Variants in CADM2 observed in about 807,000 individuals in gnomAD.
The protein encoded by CADM2 is cell adhesion molecule 2, also known as immunoglobulin superfamily member 4D.
CADM2 carries 12 observed loss-of-function variants against 49.8 expected under a neutral mutation model. That is an observed-to-expected ratio of 0.24 (90% CI 0.15 to 0.39). The LOEUF (loss-of-function observed/expected upper bound fraction) is 0.39, where lower values mean the gene tolerates loss of function less well. Ranked by LOEUF, CADM2 falls within the 10% of genes least tolerant of loss-of-function variation. The pLI, the probability that CADM2 is intolerant of heterozygous loss-of-function variation, is 1.00. For synonymous variants in CADM2, 214 were observed against 175.4 expected, an observed-to-expected ratio of 1.22 and a Z score of -1.74; for missense variants, 378 against 492.3, an observed-to-expected ratio of 0.77 and a Z score of 2.20.
intron 8 of CADM2, among the ~76,000 whole-genome samples, chr3:85,974,176 T>C (rs574323480): frequency 4.0e-5 from 6 of 151,614 alleles, no homozygotes; most frequent in African/African-American, 1.5e-4. Context: ...AAGGAAGATA[T>C]TAACTCTTTG....
chr3:85,818,857 T>C (rs1384444159), intron 3 of CADM2, among the ~76,000 whole-genome samples: 2 of 144,722 alleles, frequency 1.4e-5, no homozygotes, highest in South Asian at 4.2e-4. Context: ...AAAGAATGTA[T>C]ATTAATCAAG....
intron 2 of CADM2, among the ~76,000 whole-genome samples, chr3:85,750,689 A>G (rs1332235682): frequency 3.3e-5 from 5 of 152,094 alleles, no homozygotes; most frequent in African/African-American, 7.2e-5. Flanking sequence ...ATCAAGTGCC[A>G]TGGTACAGAA....
chr3:85,878,772 G>A (rs1277875795), intron 3 of CADM2, among the ~76,000 whole-genome samples: 2 of 152,040 alleles, frequency 1.3e-5, no homozygotes, highest in Non-Finnish European at 2.9e-5. Context: ...TTTAACTTTG[G>A]TGATGTTATA....
chr3:84,961,637 TGCGC>T (rs911149843), intron 1 of CADM2, among the ~76,000 whole-genome samples: 3 of 151,636 alleles, frequency 2.0e-5, no homozygotes, highest in Non-Finnish European at 2.9e-5. Context: ...TGTGTGTGTG[TGCGC>T]GCGCGCGCGC....
chr3:85,961,548 A>T lies in CADM2; in HGVS notation c.871A>T (p.Asn291Tyr), dbSNP rs766912522. Residue 291 changes from asparagine (N) to tyrosine (Y), a missense_variant, in exon 8 of 10, where the codon AAC becomes TAC. Physicochemically the swap from Asn to Tyr is moderately radical, Grantham distance 143. Coordinates refer to ENST00000383699, the MANE Select transcript of CADM2 (RefSeq NM_001167675.2). ...AATGGTTGTGAGTGGTAGGGAGCTA[A>T]ACATTCTTTTCCTGAACAAAACGGA... is the stretch of plus-strand genomic sequence containing the variant. ...DRMVVSGRELNILFLNKTDNG... is the reference protein window; with the variant it reads ...DRMVVSGRELYILFLNKTDNG... 6.2e-7 allele frequency: 1 copy of T among 1,610,948 alleles called. No homozygotes were observed. Among genetic ancestry groups the T allele is most frequent in the Non-Finnish European group, 8.5e-7 (1 of 1,177,774 alleles).
intron 8 of CADM2, among the ~76,000 whole-genome samples, chr3:86,002,985 C>T (rs1369327277): frequency 1.3e-5 from 2 of 152,100 alleles, no homozygotes; most frequent in African/African-American, 2.4e-5. Flanking sequence ...GTTTATCACT[C>T]CTCTCCATCT....
At chr3:85,155,254 G>A (rs2040070302) in intron 1 of CADM2, among the ~76,000 whole-genome samples, 2 of 147,902 alleles carry the variant, frequency 1.4e-5, no homozygotes, top group Non-Finnish European at 3.0e-5. Flanking sequence ...GATCTACCAA[G>A]CAAATGGAAA....
chr3:85,234,824 T>C (rs970023744), intron 1 of CADM2, among the ~76,000 whole-genome samples: 2 of 151,424 alleles, frequency 1.3e-5, no homozygotes, highest in South Asian at 4.1e-4. Flanking sequence ...GTTAACACCC[T>C]GTTAACTCCA....
At chr3:85,966,355 A>G (rs1725470037) in intron 8 of CADM2, among the ~76,000 whole-genome samples, 1 of 151,454 alleles carries the variant, frequency 6.6e-6, no homozygotes, top group Non-Finnish European at 1.5e-5. Flanking sequence ...TTTTTGTAAT[A>G]TTCCCCTTTC....
chr3:85,559,503 A>G (rs2062037203), intron 1 of CADM2, among the ~76,000 whole-genome samples: 3 of 152,108 alleles, frequency 2.0e-5, no homozygotes, highest in Admixed American at 2.0e-4. Flanking sequence ...ATAGTAACAA[A>G]CATAAGCTAC....
At chr3:85,582,249 G>A (rs888490585) in intron 1 of CADM2, among the ~76,000 whole-genome samples, 3 of 151,990 alleles carry the variant, frequency 2.0e-5, no homozygotes, top group South Asian at 2.1e-4. Flanking sequence ...TAATAATAGA[G>A]TCACTCTAAA....
rs143651093 is a variant in CADM2 at position 85,380,363 on chromosome 3, T to C, written c.62-346159T>C. Reference sequence around the variant, plus strand: ...TTTTTGCCTTATAGTTCATGTAAATTTAAGGCTAAAATACATTTTATGGGA... The same window carrying C: ...TTTTTGCCTTATAGTTCATGTAAATCTAAGGCTAAAATACATTTTATGGGA... On this transcript the variant is annotated intron_variant, in intron 1 of 9. Transcript: ENST00000383699. 3.7e-4 allele frequency among the ~76,000 whole-genome samples: 57 copies of C among 152,030 alleles called. No individual in the cohort carries two copies. The East Asian group carries it at 6.4e-3, about 17-fold the overall frequency.
chr3:85,877,821 G>A (rs572795783), intron 3 of CADM2, among the ~76,000 whole-genome samples: 37 of 150,968 alleles, frequency 2.5e-4, no homozygotes, highest in Non-Finnish European at 4.9e-4. Context: ...TTAGCTCTCA[G>A]TTTCAATTCA....
chr3:85,252,409 G>A (rs1177981652), intron 1 of CADM2, among the ~76,000 whole-genome samples: 2 of 151,798 alleles, frequency 1.3e-5, no homozygotes, highest in African/African-American at 4.8e-5. Context: ...TTAATTACTG[G>A]ATAAGTCACA....
chr3:85,098,347 A>G (rs1002020968), intron 1 of CADM2, among the ~76,000 whole-genome samples: 8 of 149,086 alleles, frequency 5.4e-5, no homozygotes, highest in South Asian at 2.1e-4. Flanking sequence ...TGTAAGAGGG[A>G]AAAAAAAATA....
chr3:85,859,864 A>G (rs1005766073), intron 3 of CADM2, among the ~76,000 whole-genome samples: 3 of 152,328 alleles, frequency 2.0e-5, no homozygotes, highest in East Asian at 3.9e-4. Context: ...TGACAAACTT[A>G]TAAATTAATT....
At chr3:85,623,441 G>A (rs1222550463) in intron 1 of CADM2, among the ~76,000 whole-genome samples, 1 of 152,110 alleles carries the variant, frequency 6.6e-6, no homozygotes, top group Admixed American at 6.6e-5. Flanking sequence ...ATAAGGGTCA[G>A]CAGCAATACT....
Position 85,155,522 on chromosome 3 carries a change from A to T in CADM2, c.61+195854A>T, listed in dbSNP as rs1267268293. 7.9e-5 allele frequency among the ~76,000 whole-genome samples: 12 copies of T among 152,158 alleles called. No individual in the cohort carries two copies. In the East Asian group the frequency reaches 2.3e-3, roughly 29 times the overall value. On this transcript the variant is annotated intron_variant, in intron 1 of 9. Coordinates refer to ENST00000383699, the MANE Select transcript of CADM2 (RefSeq NM_001167675.2). ...TTTAACACCCCACTGTCAACATTAG[A>T]CAGATCAACGAGACAGAAAGTCAAC...
chr3:85,867,236 T>C (rs779915099), intron 3 of CADM2, among the ~76,000 whole-genome samples: 2 of 151,994 alleles, frequency 1.3e-5, no homozygotes, highest in Non-Finnish European at 2.9e-5. Flanking sequence ...TTTTATTAGT[T>C]TGAGATAGAA....
Sources: gnomAD v4.1 joint callset for allele counts (sites outside exome capture counted in the v4.1 genomes callset) on GRCh38, gnomAD v4.1.1 for gene constraint, MANE v1.5 for transcripts, NCBI Gene and HGNC (gene_info 2026-07-23, HGNC 2026-07-21) for gene names.